The following DENND5A variants were observed in gnomAD, a reference collection of about 807,000 sequenced individuals.
The protein encoded by DENND5A is DENN domain containing 5A, also known as DENN domain-containing protein 5A.
In DENND5A, 64 loss-of-function variants were observed where a neutral mutation model predicts 140.3. That is an observed-to-expected ratio of 0.46 (90% CI 0.37 to 0.56). The LOEUF (loss-of-function observed/expected upper bound fraction) is 0.56, where lower values mean the gene tolerates loss of function less well. Ranked by LOEUF, DENND5A falls within the 20% of genes least tolerant of loss-of-function variation. The probability of loss-of-function intolerance (pLI) is 0.00; values close to 1 mark genes in which losing one functional copy is unlikely to be tolerated. For synonymous variants in DENND5A, 605 were observed against 607.7 expected (o/e 1.00, Z 0.07); for missense variants, 1,292 against 1,593.8 (o/e 0.81, Z 3.22).
chr11:9,149,988 G>A, intron 15 of DENND5A, 93 bp downstream of exon 15: 3 of 1,491,398 alleles, frequency 2.0e-6, no homozygotes, highest in South Asian at 1.4e-5. Context: ...CAGCAGCAAT[G>A]TCACACTGAA....
intron 1 of DENND5A, among the ~76,000 whole-genome samples, chr11:9,213,360 ATCTC>A (rs1354625019): frequency 7.2e-5 from 11 of 151,890 alleles, no homozygotes; most frequent in East Asian, 1.9e-4. Context: ...TGCACAGGGG[ATCTC>A]TCTATTATTT....
intron 1 of DENND5A, among the ~76,000 whole-genome samples, chr11:9,227,169 AAAATAAATAAATAAATAAAT>A: frequency 6.9e-6 from 1 of 145,836 alleles, no homozygotes; most frequent in East Asian, 2.0e-4. Context: ...ACTCCATCTC[AAAATAAATAAATAAATAAAT>A]AAATAAATAA....
At chr11:9,150,865 G>T in intron 13 of DENND5A, 101 bp from the exon 14 acceptor site, 1 of 622,950 alleles carries the variant, frequency 1.6e-6, no homozygotes, top group Non-Finnish European at 2.8e-6. Flanking sequence ...GGAAACAGGT[G>T]GTTACACTGG....
intron 1 of DENND5A, among the ~76,000 whole-genome samples, chr11:9,253,889 G>T (rs1402750432): frequency 6.6e-6 from 1 of 151,904 alleles, no homozygotes; most frequent in Non-Finnish European, 1.5e-5. Context: ...TGGGCGCAGT[G>T]GCTCACACCT....
At chr11:9,206,885 G>C (rs1231562896) in intron 2 of DENND5A, 103 bp from the exon 3 acceptor site, 1 of 805,302 alleles carries the variant, frequency 1.2e-6, no homozygotes, top group East Asian at 2.5e-5. Context: ...AGAAATGAAG[G>C]CAAGGGGGTT....
At chr11:9,255,993 C>A (rs867370039) in intron 1 of DENND5A, among the ~76,000 whole-genome samples, 7 of 148,864 alleles carry the variant, frequency 4.7e-5, no homozygotes, top group Middle Eastern at 3.5e-3. Flanking sequence ...GCCATTGCAC[C>A]CCAGCGTGAG....
At chr11:9,171,157 T>G in intron 8 of DENND5A, 1 of 183,190 alleles carries the variant, frequency 5.5e-6, no homozygotes, top group Non-Finnish European at 1.1e-5. Flanking sequence ...ATATGAACAG[T>G]ACCAGAGAAG....
In DENND5A at chr11:9,178,154, C is replaced by T. The variant is rs889649488; in HGVS notation, c.1884G>A (p.Lys628=). The T allele has an allele frequency of 6.2e-7, 1 of 1,613,952 alleles. No homozygotes were observed. Among genetic ancestry groups the T allele is most frequent in the Non-Finnish European group, 8.5e-7 (1 of 1,179,796 alleles). The change falls in exon 8 of 23, where the codon AAG becomes AAA. Residue 628 remains lysine, a synonymous_variant. Coordinates refer to ENST00000328194, the MANE Select transcript of DENND5A (RefSeq NM_015213.4). ...TPTLRTSMYQ[K]CTTVDEAEKA... is the part of the protein sequence containing the mutation. ...TACCTGCTTCATCCACAGTGGTACA[C>T]TTCTGGTACATGGATGTACGGAGAG...
rs372647900 is a variant in DENND5A, at chr11:9,160,803, C to T, written c.2346G>A (p.Val782=). ...TGTTCTCTTCCACCCCTGTGATGTT[C>T]ACCTCCCCATGCCCTAGCTCCACAG... ...REAVELGHGE[V]NITGVEENTL... The change falls in exon 12 of 23, where the codon GTG becomes GTA. Residue 782 remains valine, a synonymous_variant. Transcript: ENST00000328194. 4 of 1,614,140 alleles carry T rather than the reference C, an allele frequency of 2.5e-6. No individual in the cohort carries two copies. The highest frequency in any genetic ancestry group is 3.4e-6 in the Non-Finnish European group (4 of 1,179,952).
Position 9,150,703 on chromosome 11 carries a change from CCT to C in DENND5A, c.2581_2582del (p.Arg861AspfsTer19). 6.2e-7 allele frequency: 1 copy of C among 1,613,294 alleles called. No individual in the cohort carries two copies. The highest frequency in any genetic ancestry group is 8.5e-7 in the Non-Finnish European group (1 of 1,179,412). ...ACCTCATATCCTGAATCAGGGAGAT[CCT>C]CAGGGGAGGCATGAGTGAGCTGGCA... ...SDASSLMPPL[R>X]ISLIQDMRHI... On this transcript the variant is annotated frameshift_variant, in exon 14 of 23. Transcript: ENST00000328194. LOFTEE classifies it high-confidence loss of function.
intron 1 of DENND5A, among the ~76,000 whole-genome samples, chr11:9,228,110 CAAA>C (rs548141276): frequency 5.5e-5 from 4 of 72,676 alleles, no homozygotes; most frequent in South Asian, 5.4e-4. Flanking sequence ...GACTCCATCT[CAAA>C]AAAAAAAAAA....
At chr11:9,176,319 G>C (rs971857420) in intron 8 of DENND5A, among the ~76,000 whole-genome samples, 2 of 152,194 alleles carry the variant, frequency 1.3e-5, no homozygotes, top group Admixed American at 1.3e-4. Context: ...CATACATTTG[G>C]CATCTGGTAG....
At chr11:9,253,879 T>C (rs1317790399) in intron 1 of DENND5A, among the ~76,000 whole-genome samples, 3 of 149,150 alleles carry the variant, frequency 2.0e-5, no homozygotes, top group Non-Finnish European at 4.5e-5. Flanking sequence ...AAAACAACAA[T>C]GGGCGCAGTG....
At chr11:9,170,074 C>T in intron 9 of DENND5A, 125 bp from the exon 10 acceptor site, 2 of 840,132 alleles carry the variant, frequency 2.4e-6, no homozygotes, top group Admixed American at 2.2e-5. Flanking sequence ...CTAGATGTCA[C>T]CAGAGACAGC....
At chr11:9,164,876 G>A (rs1848132156) in intron 11 of DENND5A, among the ~76,000 whole-genome samples, 1 of 152,206 alleles carries the variant, frequency 6.6e-6, no homozygotes, top group African/African-American at 2.4e-5. Flanking sequence ...TGTAACCCCA[G>A]CTACTCAGGA....
chr11:9,230,633 C>T (rs1385242138), intron 1 of DENND5A, among the ~76,000 whole-genome samples: 2 of 152,120 alleles, frequency 1.3e-5, no homozygotes, highest in East Asian at 3.8e-4. Flanking sequence ...TCTTTCTGCC[C>T]TTACTGTAGA....
chr11:9,166,103 C>G, intron 10 of DENND5A, 136 bp from the exon 11 acceptor site: 1 of 715,778 alleles, frequency 1.4e-6, no homozygotes. Flanking sequence ...TTTTTTGAGA[C>G]GAATCTTGCT....
rs540324104 is a variant in DENND5A, at chr11:9,250,847, C to T, written c.109+14114G>A. On this transcript the variant is annotated intron_variant, in intron 1 of 22. Coordinates refer to ENST00000328194, the MANE Select transcript of DENND5A (RefSeq NM_015213.4). ...ACTGGAATAGTTTAGAAATCAAGGACTTCCGGCCGGGTGCGGTGGCTCACG... is the reference window on the plus strand; with the variant it reads ...ACTGGAATAGTTTAGAAATCAAGGATTTCCGGCCGGGTGCGGTGGCTCACG... 5.3e-5 allele frequency among the ~76,000 whole-genome samples: 8 copies of T among 152,102 alleles called. No homozygotes were observed. The South Asian group carries it at 1.7e-3, about 32-fold the overall frequency.
At chr11:9,231,592 G>A (rs1246135737) in intron 1 of DENND5A, among the ~76,000 whole-genome samples, 1 of 151,742 alleles carries the variant, frequency 6.6e-6, no homozygotes, top group Non-Finnish European at 1.5e-5. Flanking sequence ...GCGCATGCCT[G>A]TAATCCTAGC....
Sources: allele counts gnomAD v4.1 joint callset (sites outside exome capture counted in the v4.1 genomes callset), GRCh38; gene constraint gnomAD v4.1.1; transcripts MANE v1.5; gene names NCBI Gene and HGNC (gene_info 2026-07-23, HGNC 2026-07-21).